Variants in AHCTF1 observed in about 807,000 individuals in gnomAD.
AHCTF1 encodes the protein AT-hook containing transcription factor 1, also known as protein ELYS.
AHCTF1 carries 24 observed loss-of-function variants against 248.4 expected under a neutral mutation model. The ratio of observed to expected loss-of-function variants is 0.10; its 90% confidence interval spans 0.07 to 0.14. AHCTF1 has a LOEUF of 0.14. AHCTF1 is among the 10% of genes least tolerant of loss of function. The pLI is 1.00. For synonymous variants in AHCTF1, 786 were observed against 929.8 expected (o/e 0.85, Z 2.81); for missense variants, 2,206 against 2,636.2 (o/e 0.84, Z 3.57).
At chr1:246,856,554 C>A (rs1661121815) in intron 30 of AHCTF1, among the ~76,000 whole-genome samples, 1 of 151,740 alleles carries the variant, frequency 6.6e-6, no homozygotes, top group Non-Finnish European at 1.5e-5. Flanking sequence ...TGGTAACTCT[C>A]ATGTGATTCC....
chr1:246,874,352 T>A (rs936302997), intron 24 of AHCTF1, among the ~76,000 whole-genome samples: 9 of 152,156 alleles, frequency 5.9e-5, no homozygotes, highest in Non-Finnish European at 1.0e-4. Context: ...AGGCATGTAT[T>A]CCTCTACATG....
intron 31 of AHCTF1, among the ~76,000 whole-genome samples, chr1:246,854,878 C>CG (rs1558216033): frequency 6.6e-6 from 1 of 152,040 alleles, no homozygotes; most frequent in African/African-American, 2.4e-5. Context: ...TCCAACATAT[C>CG]GGGAGAAATG....
At position 246,900,183 on chromosome 1, in the gene AHCTF1, A is replaced by T; in HGVS notation, c.1314T>A (p.Ser438Arg). ...FALWSLESVV[S>R]RTSPHGILDI... is the part of the protein sequence containing the mutation. ...CCAAGATGCCATGTGGAGAAGTCCT[A>T]CTTACAACAGACTCCAATGACCACA... Residue 438 changes from serine (S) to arginine (R), a missense_variant, in exon 10 of 36, where the codon AGT (serine) becomes AGA (arginine). Ser to Arg is a moderately radical substitution (Grantham distance 110, BLOSUM62 -1). This residue lies in a region of AHCTF1 where 650 missense variants were observed against 870.8 expected (regional missense o/e 0.75). Transcript: ENST00000648844. 6.2e-7 allele frequency: 1 copy of T among 1,609,454 alleles called. No homozygotes were observed. Among genetic ancestry groups the T allele is most frequent in the Non-Finnish European group, 8.5e-7 (1 of 1,178,722 alleles).
chr1:246,859,476 T>C (rs534727851), intron 29 of AHCTF1, among the ~76,000 whole-genome samples: 1 of 152,326 alleles, frequency 6.6e-6, no homozygotes, highest in Non-Finnish European at 1.5e-5. Context: ...TCTACTTGAC[T>C]CACTGTTTGA....
intron 16 of AHCTF1, among the ~76,000 whole-genome samples, chr1:246,890,299 C>A (rs1486101987): frequency 6.6e-6 from 1 of 152,088 alleles, no homozygotes; most frequent in Non-Finnish European, 1.5e-5. Flanking sequence ...GGAAACTGTT[C>A]TAAATAACTT....
At chr1:246,913,919 C>T (rs1262555285) in intron 3 of AHCTF1, among the ~76,000 whole-genome samples, 2 of 152,156 alleles carry the variant, frequency 1.3e-5, no homozygotes, top group African/African-American at 4.8e-5. Flanking sequence ...TTACTGTTTA[C>T]TCTTTAAAAA....
At chr1:246,869,720 A>G (rs933416383) in intron 24 of AHCTF1, among the ~76,000 whole-genome samples, 38 of 152,258 alleles carry the variant, frequency 2.5e-4, no homozygotes, top group African/African-American at 7.7e-4. Context: ...CAGAAAAAAA[A>G]AAAAGTCTTT....
chr1:246,854,536 A>T (rs1295971211), intron 31 of AHCTF1, among the ~76,000 whole-genome samples: 1 of 152,208 alleles, frequency 6.6e-6, no homozygotes, highest in Non-Finnish European at 1.5e-5. Context: ...AACAGGATTA[A>T]TCTATATTCC....
chr1:246,872,952 C>T (rs1238145577), intron 24 of AHCTF1, among the ~76,000 whole-genome samples: 5 of 152,146 alleles, frequency 3.3e-5, no homozygotes, highest in African/African-American at 9.7e-5. Flanking sequence ...AAATCCAAAT[C>T]GCCTCCAGAC....
At chr1:246,849,515 G>C (rs1286129517) in intron 33 of AHCTF1, 100 bp downstream of exon 33, 117 of 1,461,920 alleles carry the variant, frequency 8.0e-5, no homozygotes, top group Non-Finnish European at 1.1e-4. Flanking sequence ...AGGGGGGAAG[G>C]GGAAAAATTC....
In AHCTF1 at chr1:246,880,335, C is replaced by T. The variant is rs895746359; in HGVS notation, c.2661-3033G>A. Among the ~76,000 whole-genome samples, 8 of 151,816 alleles carry T rather than the reference C, an allele frequency of 5.3e-5. No homozygotes were observed. In the East Asian group the frequency reaches 7.8e-4, roughly 15 times the overall value. On this transcript the variant is annotated intron_variant, in intron 21 of 35. Transcript: ENST00000648844. ...ATCCCAGCACTTTGGGAGCCCGAGG[C>T]GGGCAGATCACGAGGTCAGGAATTC...
intron 29 of AHCTF1, among the ~76,000 whole-genome samples, chr1:246,860,041 C>G (rs1341188319): frequency 6.6e-6 from 1 of 152,108 alleles, no homozygotes; most frequent in Non-Finnish European, 1.5e-5. Flanking sequence ...GCAGGCAGAT[C>G]ACGAGGTCAG....
intron 1 of AHCTF1, among the ~76,000 whole-genome samples, chr1:246,924,478 T>C: frequency 6.6e-6 from 1 of 151,920 alleles, no homozygotes; most frequent in Middle Eastern, 3.4e-3. Flanking sequence ...TTTTAAAACA[T>C]ATATATATAA....
chr1:246,876,961 T>C lies in AHCTF1; in HGVS notation c.2926A>G (p.Ile976Val). The C allele has an allele frequency of 6.2e-7, 1 of 1,611,908 alleles. No homozygotes were observed. The highest frequency in any genetic ancestry group is 1.1e-5 in the South Asian group (1 of 90,980). ...PALKLNQTLK[I>V]NVMNDRDPRL... is the part of the protein sequence containing the mutation. ...AACTTTAATCGTACCATAACATTAA[T>C]CTTCAGAGTTTGGTTCAGCTTCAAG... Residue 976 changes from isoleucine (I) to valine (V), a missense_variant, in exon 23 of 36, where the codon ATT becomes GTT. Coordinates refer to ENST00000648844, the MANE Select transcript of AHCTF1 (RefSeq NM_001323342.2).
At chr1:246,931,344 G>T (rs1667344397) in intron 1 of AHCTF1, 2 of 1,543,000 alleles carry the variant, frequency 1.3e-6, no homozygotes, top group African/African-American at 1.4e-5. Context: ...CCGCTCCTCC[G>T]GTCCGAGATT....
intron 13 of AHCTF1, among the ~76,000 whole-genome samples, 165 bp from the exon 14 acceptor site, chr1:246,894,913 A>T (rs1664464426): frequency 6.6e-6 from 1 of 152,164 alleles, no homozygotes; most frequent in Non-Finnish European, 1.5e-5. Context: ...CACACCACGG[A>T]GCACGTCATT....
At chr1:246,925,611 C>T (rs1236539226) in intron 1 of AHCTF1, among the ~76,000 whole-genome samples, 1 of 152,004 alleles carries the variant, frequency 6.6e-6, no homozygotes, top group East Asian at 1.9e-4. Context: ...GATCCTGTTT[C>T]TAAAAATATA....
At position 246,851,127 on chromosome 1, in the gene AHCTF1, C is replaced by G. The variant is rs765951256; in HGVS notation, c.4879G>C (p.Val1627Leu). 1.2e-6 allele frequency: 2 copies of G among 1,613,922 alleles called. No individual in the cohort carries two copies. Among genetic ancestry groups the G allele is most frequent in the African/African-American group, 1.3e-5 (1 of 75,040 alleles). The change falls in exon 33 of 36, where the codon GTA becomes CTA. Residue 1627 changes from valine to leucine, a missense_variant. Val to Leu is a conservative substitution (Grantham distance 32). This residue lies in a region of AHCTF1 where 955 missense variants were observed against 1,055.6 expected (regional missense o/e 0.90). Transcript: ENST00000648844. ...TGATTATCATTTTCCCCACTGCATACAAGTTTTTCTTCAGTTGCTGTGTTA... is the reference window on the plus strand; with the variant it reads ...TGATTATCATTTTCCCCACTGCATAGAAGTTTTTCTTCAGTTGCTGTGTTA... Reference protein sequence around the residue: ...AANTATEEKLVCSGENDNHGQ... With the variant: ...AANTATEEKLLCSGENDNHGQ...
chr1:246,850,186 C>T lies in AHCTF1; in HGVS notation c.5820G>A (p.Gly1940=). 6.2e-7 allele frequency: 1 copy of T among 1,613,950 alleles called. No individual in the cohort carries two copies. Among genetic ancestry groups the T allele is most frequent in the Non-Finnish European group, 8.5e-7 (1 of 1,179,868 alleles). ...TCACATCTGATGGACTAACTTCTCTCCCTCTGACCCTTCTAACATGTTTAA... is the reference window on the plus strand; with the variant it reads ...TCACATCTGATGGACTAACTTCTCTTCCTCTGACCCTTCTAACATGTTTAA... ...LRIKHVRRVR[G]REVSPSDVRE... is the part of the protein sequence containing the mutation. Residue 1940 remains glycine (G), a synonymous_variant, in exon 33 of 36, where the codon GGG becomes GGA. Coordinates refer to ENST00000648844, the MANE Select transcript of AHCTF1 (RefSeq NM_001323342.2).
Sources: gnomAD v4.1 joint callset for allele counts (sites outside exome capture counted in the v4.1 genomes callset) on GRCh38, gnomAD v4.1.1 for gene constraint, gnomAD v4.1.1 regional missense constraint, MANE v1.5 for transcripts, NCBI Gene and HGNC (gene_info 2026-07-23, HGNC 2026-07-21) for gene names.